SLCO1B3: variants seen among roughly 807,000 people sequenced by gnomAD.
The protein encoded by SLCO1B3 is liver-specific organic anion transporter 2.
SLCO1B3 carries 72 observed loss-of-function variants against 71.8 expected under a neutral mutation model. That is an observed-to-expected ratio of 1.00 (90% CI 0.83 to 1.22). SLCO1B3 has a LOEUF of 1.22. Among genes scored for constraint, SLCO1B3 ranks in the 50% most tolerant of loss-of-function variants. The pLI is 0.00. For missense variants in SLCO1B3, 911 were observed against 819.7 expected (o/e 1.11, Z -1.36); for synonymous variants, 298 against 278.4 (o/e 1.07, Z -0.70).
At chr12:20,883,249 C>T (rs2121314096) in intron 12 of SLCO1B3, among the ~76,000 whole-genome samples, 169 bp from the exon 13 acceptor site, 1 of 152,192 alleles carries the variant, frequency 6.6e-6, no homozygotes, top group South Asian at 2.1e-4. Context: ...TCTTAAATTC[C>T]TAAATTCAGG....
intron 15 of SLCO1B3, among the ~76,000 whole-genome samples, chr12:20,911,948 A>G (rs1866386368): frequency 6.6e-6 from 1 of 151,890 alleles, no homozygotes. Context: ...TACTTTTACT[A>G]TTATCTTCGG....
In SLCO1B3 at chr12:20,812,736, A is replaced by G. The variant is rs373491167; in HGVS notation, c.-180-788A>G. Among the ~76,000 whole-genome samples the G allele has an allele frequency of 9.2e-5, 14 of 152,326 alleles. No homozygotes were observed. In the East Asian group the frequency reaches 2.5e-3, roughly 27 times the overall value. On this transcript the variant is annotated intron_variant, in intron 1 of 15. Coordinates refer to ENST00000381545, the MANE Select transcript of SLCO1B3 (RefSeq NM_019844.4). The stretch of plus-strand genomic sequence containing the variant: ...AAGCAAGCTGGAAGACAGGACAAGT[A>G]GAAATTAATCAATTGAAAGAAACAA...
intron 8 of SLCO1B3, among the ~76,000 whole-genome samples, chr12:20,863,490 C>T (rs1865311015): frequency 6.6e-6 from 1 of 152,138 alleles, no homozygotes; most frequent in South Asian, 2.1e-4. Flanking sequence ...ACTTCAGGCC[C>T]TCCTTCCTAC....
intron 15 of SLCO1B3, among the ~76,000 whole-genome samples, chr12:20,911,414 A>G (rs11045595): frequency 0.81 from 122,897 of 152,076 alleles, 52,843 homozygotes; most frequent in Non-Finnish European, 0.94. Flanking sequence ...CTTTTCTTGT[A>G]ATGTTTGTCT....
chr12:20,835,564 A>G (rs1864661881), intron 3 of SLCO1B3, among the ~76,000 whole-genome samples: 1 of 152,218 alleles, frequency 6.6e-6, no homozygotes, highest in Non-Finnish European at 1.5e-5. Flanking sequence ...TCTTTGCTAC[A>G]GAATAACAAG....
At chr12:20,864,421 C>T (rs939012896) in intron 8 of SLCO1B3, among the ~76,000 whole-genome samples, 5 of 152,150 alleles carry the variant, frequency 3.3e-5, no homozygotes, top group Non-Finnish European at 5.9e-5. Context: ...AAATAGATCA[C>T]TCCAAAGAGA....
At chr12:20,870,769 G>C (rs1465164646) in intron 8 of SLCO1B3, among the ~76,000 whole-genome samples, 1 of 152,062 alleles carries the variant, frequency 6.6e-6, no homozygotes, top group Non-Finnish European at 1.5e-5. Context: ...CATCACCTTT[G>C]TTCTTTCTCA....
chr12:20,880,715 T>C, intron 11 of SLCO1B3, 140 bp from the exon 12 acceptor site: 1 of 527,654 alleles, frequency 1.9e-6, no homozygotes. Context: ...AGGAAAACCC[T>C]TTCTCTTATT....
At chr12:20,846,273 T>G (rs1471842489) in intron 3 of SLCO1B3, among the ~76,000 whole-genome samples, 1 of 152,206 alleles carries the variant, frequency 6.6e-6, no homozygotes, top group Non-Finnish European at 1.5e-5. Flanking sequence ...TTTTGTTGAT[T>G]GTCATTTCTC....
At chr12:20,827,737 A>G (rs1036415734) in intron 3 of SLCO1B3, among the ~76,000 whole-genome samples, 1 of 151,930 alleles carries the variant, frequency 6.6e-6, no homozygotes, top group African/African-American at 2.4e-5. Context: ...ATGCCAATCT[A>G]ATTTTTGTAT....
intron 3 of SLCO1B3, among the ~76,000 whole-genome samples, chr12:20,848,321 A>C (rs1864956008): frequency 6.6e-6 from 1 of 152,110 alleles, no homozygotes; most frequent in Non-Finnish European, 1.5e-5. Context: ...AACATTCCAA[A>C]CACAAAAAAT....
chr12:20,884,052 G>C (rs1865746527), intron 13 of SLCO1B3, among the ~76,000 whole-genome samples: 1 of 152,104 alleles, frequency 6.6e-6, no homozygotes, highest in South Asian at 2.1e-4. Context: ...CCACAGCATG[G>C]CTTTTGACCT....
rs1865108334 is a variant in SLCO1B3 at position 20,855,170 on chromosome 12, G to T, written c.226+1G>T. Reference sequence around the variant, plus strand: ...TTAATTGATGGAAGCTTTGAAATTGGTAACTTTTATTTTTTCTATTTGATA... The same window carrying T: ...TTAATTGATGGAAGCTTTGAAATTGTTAACTTTTATTTTTTCTATTTGATA... On this transcript the variant is annotated splice_donor_variant, in intron 4 of 15. Coordinates refer to ENST00000381545, the MANE Select transcript of SLCO1B3 (RefSeq NM_019844.4). LOFTEE classifies it high-confidence loss of function. 7 of 1,604,998 alleles carry T rather than the reference G, an allele frequency of 4.4e-6. No individual in the cohort carries two copies. In the Middle Eastern group the frequency reaches 7.1e-4, roughly 163 times the overall value.
intron 12 of SLCO1B3, among the ~76,000 whole-genome samples, chr12:20,881,795 C>T (rs1017807270): frequency 1.3e-4 from 20 of 152,114 alleles, no homozygotes; most frequent in Non-Finnish European, 4.4e-5. Context: ...TCACAAGTTG[C>T]ATAACTATTT....
chr12:20,844,501 G>C (rs1014151083), intron 3 of SLCO1B3, among the ~76,000 whole-genome samples: 1 of 151,690 alleles, frequency 6.6e-6, no homozygotes, highest in Non-Finnish European at 1.5e-5. Flanking sequence ...CTAGGAGGCA[G>C]TGGTTGCAGT....
At chr12:20,820,996 A>G (rs894673750) in intron 3 of SLCO1B3, among the ~76,000 whole-genome samples, 9 of 152,102 alleles carry the variant, frequency 5.9e-5, no homozygotes. Context: ...TAAAAAGTTT[A>G]TAGGGTGGAG....
At position 20,901,463 on chromosome 12, in the gene SLCO1B3, T is replaced by C. The variant is rs77265855; in HGVS notation, c.1861T>C (p.Phe621Leu). The change falls in exon 15 of 16, where the codon TTT (phenylalanine) becomes CTT (leucine). Residue 621 changes from phenylalanine to leucine, a missense_variant. Physicochemically the swap from Phe to Leu is conservative, Grantham distance 22. Coordinates refer to ENST00000381545, the MANE Select transcript of SLCO1B3 (RefSeq NM_019844.4). ...TTGTAGGATATATAATTCCGTATTT[T>C]TTGGGTAAGTTGTCGTAAACACATT... ...GACRIYNSVF[F>L]GRVYLGLSIA... 3 of 1,506,664 alleles carry C rather than the reference T, an allele frequency of 2.0e-6. No homozygotes were observed. In the East Asian group the frequency reaches 7.1e-5, roughly 36 times the overall value. The allele number at this position is 1,506,664 out of a possible 1,614,324, so 93.3% of individuals were successfully genotyped here.
At chr12:20,823,281 T>C (rs1251969819) in intron 3 of SLCO1B3, among the ~76,000 whole-genome samples, 1 of 152,108 alleles carries the variant, frequency 6.6e-6, no homozygotes. Flanking sequence ...GCTTAATATT[T>C]AGTAATTTCA....
At chr12:20,862,047 A>G (rs1381100296) in intron 6 of SLCO1B3, among the ~76,000 whole-genome samples, 1 of 152,106 alleles carries the variant, frequency 6.6e-6, no homozygotes, top group Non-Finnish European at 1.5e-5. Flanking sequence ...ATATAGAAGA[A>G]CTCTTGACAA....
Sources: gnomAD v4.1 joint callset for allele counts (sites outside exome capture counted in the v4.1 genomes callset) on GRCh38, gnomAD v4.1.1 for gene constraint, MANE v1.5 for transcripts, NCBI Gene and HGNC (gene_info 2026-07-23, HGNC 2026-07-21) for gene names.